The following NRP1 variants were observed in gnomAD, a reference collection of about 807,000 sequenced individuals.
The protein encoded by NRP1 is neuropilin-1.
Under a neutral mutation model 106.7 loss-of-function variants are expected in NRP1, and 35 were observed. That is an observed-to-expected ratio of 0.33 (90% CI 0.25 to 0.43). The LOEUF (loss-of-function observed/expected upper bound fraction) is 0.43, where lower values mean the gene tolerates loss of function less well. NRP1 is among the 20% of genes least tolerant of loss of function. The probability of loss-of-function intolerance (pLI) is 1.00; values close to 1 mark genes in which losing one functional copy is unlikely to be tolerated. For missense variants in NRP1, 1,024 were observed against 1,170.4 expected (o/e 0.87, Z 1.83); for synonymous variants, 437 against 417.9 (o/e 1.05, Z -0.56).
chr10:33,207,619 T>A lies in NRP1; in HGVS notation c.1712A>T (p.His571Leu), dbSNP rs771747547. Residue 571 changes from histidine (H) to leucine (L), a missense_variant, in exon 10 of 17, where the codon CAT (histidine) becomes CTT (leucine). His to Leu is a moderately conservative substitution (Grantham distance 99). This residue lies in a region of NRP1 where 562 missense variants were observed against 620.3 expected (regional missense o/e 0.91). Transcript: ENST00000374867. ...FIRIYPERAT[H>L]GGLGLRMELL... ...CTCCATTCTGAGCCCCAGTCCGCCA[T>A]GAGTGGCTCTCTCGGGGTAGATCCT... 67 of 1,614,062 alleles carry A rather than the reference T, an allele frequency of 4.2e-5. No homozygotes were observed. The highest frequency in any genetic ancestry group is 5.5e-5 in the Non-Finnish European group (65 of 1,180,034).
chr10:33,256,578 C>G, intron 4 of NRP1, 107 bp from the exon 5 acceptor site: 1 of 1,249,718 alleles, frequency 8.0e-7, no homozygotes. Context: ...GAAGTGTTTT[C>G]TAACCCAAAG....
chr10:33,283,616 A>G (rs545560762), intron 2 of NRP1, among the ~76,000 whole-genome samples: 3 of 152,356 alleles, frequency 2.0e-5, no homozygotes, highest in East Asian at 3.9e-4. Flanking sequence ...GTAGTTTTAC[A>G]TGATTTTGTT....
chr10:33,239,287 CA>C (rs112414592), intron 6 of NRP1, among the ~76,000 whole-genome samples: 3,860 of 144,230 alleles, frequency 0.027, 125 homozygotes, highest in East Asian at 0.082. Flanking sequence ...GACCCTGTCT[CA>C]AAAAAAAAAA....
chr10:33,234,673 G>T (rs908955697), intron 6 of NRP1, among the ~76,000 whole-genome samples: 1 of 152,148 alleles, frequency 6.6e-6, no homozygotes, highest in Admixed American at 6.6e-5. Context: ...AAATACCCAA[G>T]TAGAAGAACA....
chr10:33,197,981 T>G (rs1255660351), intron 11 of NRP1, among the ~76,000 whole-genome samples: 1 of 151,892 alleles, frequency 6.6e-6, no homozygotes, highest in Non-Finnish European at 1.5e-5. Flanking sequence ...TTGTATATAT[T>G]TATGGCATAC....
intron 13 of NRP1, 136 bp from the exon 14 acceptor site, chr10:33,186,624 G>T: frequency 9.6e-7 from 1 of 1,036,828 alleles, no homozygotes; most frequent in Non-Finnish European, 1.4e-6. Context: ...AAAGGGATAA[G>T]TGTGCACACT....
chr10:33,330,903 T>C (rs779146361), intron 1 of NRP1, 21 bp from the exon 2 acceptor site: 1 of 1,582,480 alleles, frequency 6.3e-7, no homozygotes, highest in East Asian at 2.3e-5. Context: ...AGTAAGATTT[T>C]AGCAGATCTT....
At chr10:33,267,366 A>C (rs1175567853) in intron 3 of NRP1, among the ~76,000 whole-genome samples, 3 of 152,230 alleles carry the variant, frequency 2.0e-5, no homozygotes, top group Non-Finnish European at 4.4e-5. Context: ...GCACTCACAC[A>C]GGCATTTGGA....
At position 33,180,289 on chromosome 10, in the gene NRP1, G is replaced by C. The variant is rs758112709; in HGVS notation, c.2559C>G (p.Thr853=). ...ISRKPGNVLK[T]LDPILITIIA... ...TGATGGTGATGAGGATGGGGTCTAA[G>C]GTCTTCAACACATTGCCTGGCTTCC... The change falls in exon 17 of 17, where the codon ACC becomes ACG. Residue 853 remains threonine (T), a synonymous_variant. Transcript: ENST00000374867. 1 of 1,613,036 alleles carries C rather than the reference G, an allele frequency of 6.2e-7. No individual in the cohort carries two copies. Among genetic ancestry groups the C allele is most frequent in the African/African-American group, 1.3e-5 (1 of 74,984 alleles).
chr10:33,288,032 A>C (rs202081701), intron 2 of NRP1, among the ~76,000 whole-genome samples: 2 of 152,294 alleles, frequency 1.3e-5, no homozygotes, highest in East Asian at 3.9e-4. Context: ...CAAACTTGGT[A>C]AAGAATGGTA....
intron 2 of NRP1, among the ~76,000 whole-genome samples, chr10:33,295,435 C>A (rs1845319698): frequency 6.6e-6 from 1 of 152,202 alleles, no homozygotes; most frequent in Non-Finnish European, 1.5e-5. Flanking sequence ...AGACCAGGTG[C>A]AGTGGCTCAC....
At chr10:33,312,280 G>T (rs927103662) in intron 2 of NRP1, among the ~76,000 whole-genome samples, 4 of 152,198 alleles carry the variant, frequency 2.6e-5, no homozygotes, top group Non-Finnish European at 4.4e-5. Context: ...AGTCAGATGT[G>T]CTAAGGACAC....
chr10:33,306,793 A>G (rs1026960661), intron 2 of NRP1, among the ~76,000 whole-genome samples: 1 of 152,198 alleles, frequency 6.6e-6, no homozygotes, highest in African/African-American at 2.4e-5. Context: ...TTGCAGCTTC[A>G]AGCTTTGTTT....
chr10:33,238,034 G>A (rs747549603), intron 6 of NRP1, among the ~76,000 whole-genome samples: 5 of 152,182 alleles, frequency 3.3e-5, no homozygotes, highest in Non-Finnish European at 5.9e-5. Context: ...AGTGACAGAA[G>A]GACAATGAAA....
At chr10:33,284,032 C>T (rs1041878128) in intron 2 of NRP1, among the ~76,000 whole-genome samples, 2 of 152,116 alleles carry the variant, frequency 1.3e-5, no homozygotes, top group African/African-American at 2.4e-5. Flanking sequence ...TAAAGTAAAA[C>T]GTGGCATAAA....
intron 11 of NRP1, among the ~76,000 whole-genome samples, chr10:33,199,189 T>C (rs1440100167): frequency 6.6e-6 from 1 of 151,400 alleles, no homozygotes; most frequent in Non-Finnish European, 1.5e-5. Context: ...AGTCTCTAGG[T>C]GTGAGGCTTT....
intron 6 of NRP1, among the ~76,000 whole-genome samples, chr10:33,253,827 G>A (rs571938601): frequency 3.3e-5 from 5 of 152,192 alleles, no homozygotes; most frequent in African/African-American, 7.2e-5. Context: ...TTCTCTGATC[G>A]TGTAGCGATG....
intron 9 of NRP1, chr10:33,211,987 G>A (rs532004304): frequency 3.3e-5 from 5 of 152,158 alleles, no homozygotes; most frequent in Non-Finnish European, 5.9e-5. Flanking sequence ...TCCTAAACCA[G>A]CTTCTGGGCC....
At chr10:33,272,740 A>G (rs1209458102) in intron 2 of NRP1, among the ~76,000 whole-genome samples, 1 of 152,082 alleles carries the variant, frequency 6.6e-6, no homozygotes, top group Non-Finnish European at 1.5e-5. Flanking sequence ...CTTATAATTT[A>G]ACTGTGATTT....
Sources: gnomAD v4.1 joint callset for allele counts (sites outside exome capture counted in the v4.1 genomes callset) on GRCh38, gnomAD v4.1.1 for gene constraint, gnomAD v4.1.1 regional missense constraint, MANE v1.5 for transcripts, NCBI Gene and HGNC (gene_info 2026-07-23, HGNC 2026-07-21) for gene names.